CDC42BPA: variants seen among roughly 807,000 people sequenced by gnomAD.
The protein encoded by CDC42BPA is CDC42 binding protein kinase alpha.
CDC42BPA carries 80 observed loss-of-function variants against 223.5 expected under a neutral mutation model. The observed-to-expected ratio is 0.36, with a 90% CI of 0.30 to 0.43. CDC42BPA has a LOEUF of 0.43. Ranked by LOEUF, CDC42BPA falls within the 20% of genes least tolerant of loss-of-function variation. The pLI is 1.00. For missense variants in CDC42BPA, 1,743 were observed against 2,099.9 expected (o/e 0.83, Z 3.32); for synonymous variants, 694 against 718.6 (o/e 0.97, Z 0.55).
chr1:227,060,515 C>A (rs16846902), intron 21 of CDC42BPA, among the ~76,000 whole-genome samples: 1 of 151,968 alleles, frequency 6.6e-6, no homozygotes, highest in African/African-American at 2.4e-5. Flanking sequence ...AATGCTATCA[C>A]TGAGATATGT....
intron 24 of CDC42BPA, among the ~76,000 whole-genome samples, chr1:227,036,651 G>C (rs1235994521): frequency 6.6e-6 from 1 of 152,018 alleles, no homozygotes. Flanking sequence ...GGATGGTCTC[G>C]ATCTCCTGAC....
chr1:227,000,407 AAAT>A (rs1306316803), intron 35 of CDC42BPA, among the ~76,000 whole-genome samples: 2 of 152,218 alleles, frequency 1.3e-5, no homozygotes, highest in African/African-American at 2.4e-5. Context: ...TCAGTTCAAA[AAAT>A]AATGAAAAAA....
chr1:227,202,760 CAA>C (rs35609906), intron 3 of CDC42BPA, among the ~76,000 whole-genome samples: 6,836 of 114,290 alleles, frequency 0.06, 530 homozygotes, highest in African/African-American at 0.2. Context: ...TCTCTACAGG[CAA>C]AAAAAAAAAA....
chr1:227,052,090 G>T, intron 21 of CDC42BPA, 105 bp from the exon 22 acceptor site: 1 of 543,934 alleles, frequency 1.8e-6, no homozygotes, highest in Non-Finnish European at 3.4e-6. Flanking sequence ...CATTTCTTGA[G>T]AAAGGAGGAT....
chr1:227,193,060 G>A (rs1669979291), intron 5 of CDC42BPA, among the ~76,000 whole-genome samples: 1 of 140,230 alleles, frequency 7.1e-6, no homozygotes, highest in Non-Finnish European at 1.5e-5. Context: ...CTGGAAGTGA[G>A]AACTTTTTTT....
At chr1:226,999,795 T>C (rs1270004229) in intron 35 of CDC42BPA, among the ~76,000 whole-genome samples, 2 of 152,044 alleles carry the variant, frequency 1.3e-5, no homozygotes, top group African/African-American at 4.8e-5. Context: ...TCATGTCCTT[T>C]ACAGGGACAT....
chr1:227,250,293 G>A (rs1416484793), intron 2 of CDC42BPA, among the ~76,000 whole-genome samples: 1 of 152,044 alleles, frequency 6.6e-6, no homozygotes, highest in Non-Finnish European at 1.5e-5. Flanking sequence ...TTCGAGACCA[G>A]CCTGACCAAC....
At chr1:227,216,023 G>C (rs1674759122) in intron 2 of CDC42BPA, among the ~76,000 whole-genome samples, 1 of 151,888 alleles carries the variant, frequency 6.6e-6, no homozygotes, top group Non-Finnish European at 1.5e-5. Context: ...TCATACACTT[G>C]AAAAAATTAC....
chr1:227,157,154 TA>T (rs1333081801), intron 6 of CDC42BPA, among the ~76,000 whole-genome samples: 1 of 152,256 alleles, frequency 6.6e-6, no homozygotes, highest in Non-Finnish European at 1.5e-5. Context: ...AGGTACCTTT[TA>T]TGTAAATTAA....
At chr1:227,257,021 A>G (rs1683196207) in intron 1 of CDC42BPA, among the ~76,000 whole-genome samples, 1 of 150,508 alleles carries the variant, frequency 6.6e-6, no homozygotes, top group African/African-American at 2.4e-5. Context: ...AAATGAAGTT[A>G]AGGTCTGATA....
At chr1:227,311,447 A>G (rs1240152117) in intron 1 of CDC42BPA, among the ~76,000 whole-genome samples, 5 of 152,216 alleles carry the variant, frequency 3.3e-5, no homozygotes, top group African/African-American at 1.2e-4. Context: ...AAAATCTGAT[A>G]GAACTAGCAA....
chr1:227,049,405 A>C (rs1673095249), intron 22 of CDC42BPA, among the ~76,000 whole-genome samples: 1 of 152,048 alleles, frequency 6.6e-6, no homozygotes, highest in Non-Finnish European at 1.5e-5. Flanking sequence ...AAATAATGAA[A>C]CTTTATTGAA....
intron 3 of CDC42BPA, among the ~76,000 whole-genome samples, chr1:227,209,935 C>T (rs924193558): frequency 6.7e-6 from 1 of 149,454 alleles, no homozygotes; most frequent in Non-Finnish European, 1.5e-5. Context: ...AGGAATGGTA[C>T]CAGTTCCTCC....
At chr1:227,166,057 A>G (rs1572090546) in intron 5 of CDC42BPA, among the ~76,000 whole-genome samples, 1 of 152,350 alleles carries the variant, frequency 6.6e-6, no homozygotes, top group East Asian at 1.9e-4. Context: ...GTTAATGGTT[A>G]TCAATATCAC....
rs1385953647 is a variant in CDC42BPA at position 226,999,650 on chromosome 1, G to A, written c.4976-4670C>T. On this transcript the variant is annotated intron_variant, in intron 35 of 36. Transcript: ENST00000366766. The stretch of plus-strand genomic sequence containing the variant: ...TTCTACTATAAAGACACATGCACAC[G>A]TATGTTTATTGCAGCACTATTCACC... 5.3e-5 allele frequency among the ~76,000 whole-genome samples: 8 copies of A among 152,038 alleles called. No homozygotes were observed. In the East Asian group the frequency reaches 5.8e-4, roughly 11 times the overall value.
intron 1 of CDC42BPA, among the ~76,000 whole-genome samples, chr1:227,302,993 T>C (rs1366158386): frequency 2.1e-5 from 3 of 143,724 alleles, no homozygotes; most frequent in Non-Finnish European, 3.1e-5. Flanking sequence ...TTTTATGTGA[T>C]TTGGTTTTTT....
At chr1:227,091,603 T>C (rs999103087) in intron 16 of CDC42BPA, among the ~76,000 whole-genome samples, 2 of 93,600 alleles carry the variant, frequency 2.1e-5, no homozygotes, top group Non-Finnish European at 2.2e-5. Flanking sequence ...TATTCCTTTA[T>C]AGTAACCCCA....
At chr1:227,272,160 A>G (rs1686064175) in intron 1 of CDC42BPA, among the ~76,000 whole-genome samples, 1 of 152,218 alleles carries the variant, frequency 6.6e-6, no homozygotes, top group African/African-American at 2.4e-5. Context: ...AAGGTCACCT[A>G]TAAGAATAAA....
chr1:227,074,195 T>C (rs1432241485), intron 18 of CDC42BPA, 64 bp downstream of exon 18: 5 of 1,379,460 alleles, frequency 3.6e-6, no homozygotes, highest in South Asian at 1.2e-5. Context: ...GGATTTATTA[T>C]AGTGTTTTTT....
Sources: allele counts gnomAD v4.1 joint callset (sites outside exome capture counted in the v4.1 genomes callset), GRCh38; gene constraint gnomAD v4.1.1; transcripts MANE v1.5; gene names NCBI Gene and HGNC (gene_info 2026-07-23, HGNC 2026-07-21).